PRKCB: variants seen among roughly 807,000 people sequenced by gnomAD.
The protein encoded by PRKCB is protein kinase C beta, also known as protein kinase C beta type.
A neutral mutation model predicts 81.5 loss-of-function variants in PRKCB; 13 were observed. The ratio of observed to expected loss-of-function variants is 0.16; its 90% CI spans 0.10 to 0.25. The LOEUF is 0.25. Ranked by LOEUF, PRKCB falls within the 10% of genes least tolerant of loss-of-function variation. The pLI, the probability that PRKCB is intolerant of heterozygous loss-of-function variation, is 1.00. For synonymous variants in PRKCB, 335 were observed against 321.4 expected (o/e 1.04, Z -0.45); for missense variants, 509 against 875.7 (o/e 0.58, Z 5.29).
chr16:23,927,856 C>G (rs1415955534), intron 2 of PRKCB, among the ~76,000 whole-genome samples: 4 of 151,894 alleles, frequency 2.6e-5, no homozygotes, highest in Non-Finnish European at 5.9e-5. Context: ...CTTTTAGACA[C>G]CTAGTTGGTG....
At chr16:23,979,184 T>A (rs900894405) in intron 2 of PRKCB, among the ~76,000 whole-genome samples, 3 of 152,136 alleles carry the variant, frequency 2.0e-5, no homozygotes, top group African/African-American at 7.2e-5. Flanking sequence ...TTTTATAGAC[T>A]AGAAAATGAG....
intron 16 of PRKCB, among the ~76,000 whole-genome samples, chr16:24,207,674 A>G (rs112341941): frequency 1.4e-3 from 206 of 152,244 alleles, no homozygotes; most frequent in African/African-American, 4.8e-3. Flanking sequence ...TAGATTCCCA[A>G]TTTTTCTTTC....
At chr16:23,954,694 A>G (rs1361461957) in intron 2 of PRKCB, among the ~76,000 whole-genome samples, 2 of 152,194 alleles carry the variant, frequency 1.3e-5, no homozygotes, top group Admixed American at 6.5e-5. Flanking sequence ...TAACTGTTCT[A>G]TGCCTCAGTT....
chr16:23,999,467 A>G (rs1379355623), intron 3 of PRKCB, among the ~76,000 whole-genome samples: 1 of 152,200 alleles, frequency 6.6e-6, no homozygotes, highest in African/African-American at 2.4e-5. Flanking sequence ...TGTCCCGTGA[A>G]CCTAGCTACT....
intron 3 of PRKCB, among the ~76,000 whole-genome samples, chr16:24,020,982 T>TTCTTTCTTTCTC (rs1965355345): frequency 9.1e-6 from 1 of 109,360 alleles, no homozygotes; most frequent in African/African-American, 3.9e-5. Context: ...TTCTTTTTCT[T>TTCTTTCTTTCTC]TCTTTCTTTC....
intron 2 of PRKCB, among the ~76,000 whole-genome samples, chr16:23,903,510 G>A (rs1183871813): frequency 6.6e-6 from 1 of 152,118 alleles, no homozygotes; most frequent in Non-Finnish European, 1.5e-5. Flanking sequence ...TAATTAGCAA[G>A]CACATGCCTT....
intron 2 of PRKCB, among the ~76,000 whole-genome samples, chr16:23,948,981 G>T (rs529326164): frequency 6.6e-6 from 1 of 152,162 alleles, no homozygotes; most frequent in Non-Finnish European, 1.5e-5. Context: ...GGCTGGGCAC[G>T]CCTGTTGGTT....
At chr16:23,838,023 G>T (rs1962198082) in intron 2 of PRKCB, among the ~76,000 whole-genome samples, 1 of 152,210 alleles carries the variant, frequency 6.6e-6, no homozygotes, top group Non-Finnish European at 1.5e-5. Flanking sequence ...CTTGCATCTG[G>T]CTTGAGATCC....
chr16:23,873,185 CA>C (rs1962937028), intron 2 of PRKCB, among the ~76,000 whole-genome samples: 1 of 73,802 alleles, frequency 1.4e-5, no homozygotes, highest in Non-Finnish European at 2.7e-5. Flanking sequence ...CACACACACA[CA>C]CACAAAAAAA....
chr16:24,100,766 C>T (rs534308717), intron 7 of PRKCB, among the ~76,000 whole-genome samples: 31 of 152,262 alleles, frequency 2.0e-4, no homozygotes, highest in Admixed American at 1.8e-3. Flanking sequence ...AAACACAGTG[C>T]CAGCCAAGCT....
chr16:23,913,641 T>A (rs1963694930), intron 2 of PRKCB, among the ~76,000 whole-genome samples: 1 of 152,172 alleles, frequency 6.6e-6, no homozygotes, highest in Admixed American at 6.5e-5. Context: ...AACGGTGATA[T>A]CTTAGGAGAG....
At chr16:24,200,995 G>T (rs1967948447) in intron 16 of PRKCB, among the ~76,000 whole-genome samples, 1 of 152,298 alleles carries the variant, frequency 6.6e-6, no homozygotes, top group East Asian at 1.9e-4. Context: ...TCGTGAGGAA[G>T]ATTGAGGCCC....
chr16:23,849,367 T>A (rs928007526), intron 2 of PRKCB, among the ~76,000 whole-genome samples: 1 of 152,176 alleles, frequency 6.6e-6, no homozygotes, highest in African/African-American at 2.4e-5. Flanking sequence ...GCTTGTCTCA[T>A]TGGGATAGTC....
intron 3 of PRKCB, among the ~76,000 whole-genome samples, chr16:24,023,779 T>C (rs531709605): frequency 2.4e-4 from 37 of 152,212 alleles, no homozygotes; most frequent in East Asian, 1.7e-3. Context: ...CTGGGCCTTT[T>C]CCCCCAACCT....
chr16:23,880,103 A>C (rs1963082111), intron 2 of PRKCB, among the ~76,000 whole-genome samples: 1 of 152,094 alleles, frequency 6.6e-6, no homozygotes, highest in African/African-American at 2.4e-5. Context: ...ACTCTGGGGG[A>C]ATCGAATCCC....
intron 9 of PRKCB, among the ~76,000 whole-genome samples, chr16:24,151,223 C>G (rs886755194): frequency 2.6e-5 from 4 of 152,044 alleles, no homozygotes; most frequent in African/African-American, 9.7e-5. Flanking sequence ...CAATTTTTTC[C>G]TTTAACAAGG....
At chr16:24,123,602 G>A (rs528792437) in intron 8 of PRKCB, among the ~76,000 whole-genome samples, 2 of 152,296 alleles carry the variant, frequency 1.3e-5, no homozygotes, top group African/African-American at 2.4e-5. Context: ...AGACAGCTGG[G>A]AGGAAAGAAA....
chr16:23,951,726 T>C lies in PRKCB; in HGVS notation c.206-36782T>C, dbSNP rs558266779. ...AGCCACTGCACCTGGTCCCCTGTCT[T>C]TTTTTTTTTAATTAATTGATAGTAA... On this transcript the variant is annotated intron_variant, in intron 2 of 16. Coordinates refer to ENST00000643927, the MANE Select transcript of PRKCB (RefSeq NM_002738.7). Among the ~76,000 whole-genome samples, 169 of 147,918 alleles carry C rather than the reference T, an allele frequency of 1.1e-3. 1 individual carries two copies. The highest frequency in any genetic ancestry group is 4.1e-3 in the African/African-American group (163 of 39,974).
intron 9 of PRKCB, among the ~76,000 whole-genome samples, chr16:24,140,384 T>C (rs1393611739): frequency 6.6e-6 from 1 of 152,166 alleles, no homozygotes; most frequent in African/African-American, 2.4e-5. Context: ...TGGGATCTTC[T>C]TGCCTGCTCC....
Sources: allele counts gnomAD v4.1 joint callset (sites outside exome capture counted in the v4.1 genomes callset), GRCh38; gene constraint gnomAD v4.1.1; transcripts MANE v1.5; gene names NCBI Gene and HGNC (gene_info 2026-07-23, HGNC 2026-07-21).